Variants in CRACDL observed in about 807,000 individuals in gnomAD.
CRACDL encodes CRACD like, also known as CRACD-like protein.
CRACDL carries 26 observed loss-of-function variants against 70.6 expected under a neutral mutation model. That is an observed-to-expected ratio of 0.37 (90% CI 0.27 to 0.51). CRACDL has a LOEUF of 0.51. Ranked by LOEUF, CRACDL falls within the 20% of genes least tolerant of loss-of-function variation. The pLI is 0.94. For synonymous variants in CRACDL, 618 were observed against 615.2 expected, an observed-to-expected ratio of 1.00 and a Z score of -0.07; for missense variants, 1,283 against 1,376.9, an observed-to-expected ratio of 0.93 and a Z score of 1.08.
chr2:98,903,014 G>A (rs1216865120), intron 1 of CRACDL, among the ~76,000 whole-genome samples: 2 of 152,170 alleles, frequency 1.3e-5, no homozygotes, highest in African/African-American at 4.8e-5. Flanking sequence ...CCAGGGCCGC[G>A]CTAGCACACT....
chr2:98,863,507 C>A (rs1573098863), intron 1 of CRACDL, among the ~76,000 whole-genome samples: 1 of 152,110 alleles, frequency 6.6e-6, no homozygotes, highest in East Asian at 1.9e-4. Flanking sequence ...TAAAGCTACT[C>A]TTATTGTAAA....
chr2:98,869,099 T>C (rs971092626), intron 1 of CRACDL: 2 of 1,304,152 alleles, frequency 1.5e-6, no homozygotes, highest in African/African-American at 1.5e-5. Context: ...CCTGATGCAC[T>C]GGTAAAAGGC....
chr2:98,837,010 G>C (rs1403677238), intron 3 of CRACDL, among the ~76,000 whole-genome samples: 1 of 151,460 alleles, frequency 6.6e-6, no homozygotes, highest in Non-Finnish European at 1.5e-5. Flanking sequence ...GCGTGAACCC[G>C]GGAGGCGCAG....
At chr2:98,831,494 G>A (rs2104496922) in intron 5 of CRACDL, among the ~76,000 whole-genome samples, 1 of 152,266 alleles carries the variant, frequency 6.6e-6, no homozygotes, top group African/African-American at 2.4e-5. Context: ...GAAGGTGTGT[G>A]GCTATAAAAA....
At chr2:98,849,136 C>T (rs1475465282) in intron 1 of CRACDL, among the ~76,000 whole-genome samples, 3 of 152,220 alleles carry the variant, frequency 2.0e-5, no homozygotes, top group Admixed American at 1.3e-4. Context: ...GGATCTCCCA[C>T]TGAAATGGCT....
At chr2:98,932,896 C>T (rs2104712478) in intron 1 of CRACDL, among the ~76,000 whole-genome samples, 1 of 152,340 alleles carries the variant, frequency 6.6e-6, no homozygotes, top group African/African-American at 2.4e-5. Context: ...AGAAAAATGC[C>T]TTCTGGGTCT....
chr2:98,893,342 G>A (rs1708028590), intron 1 of CRACDL, among the ~76,000 whole-genome samples: 1 of 152,048 alleles, frequency 6.6e-6, no homozygotes, highest in South Asian at 2.1e-4. Context: ...GGAGTGCAGT[G>A]ATGCGATCTC....
intron 1 of CRACDL, among the ~76,000 whole-genome samples, chr2:98,899,287 T>C (rs1191903524): frequency 6.6e-6 from 1 of 152,216 alleles, no homozygotes; most frequent in Non-Finnish European, 1.5e-5. Flanking sequence ...CCTCAGACGT[T>C]AAGCCTTTTA....
In CRACDL at chr2:98,897,362, C is replaced by T. The variant is rs1029844808; in HGVS notation, c.-11+38576G>A. The T allele has an allele frequency of 3.8e-6, 5 of 1,302,392 alleles. No individual in the cohort carries two copies. In the African/African-American group the frequency reaches 7.6e-5, roughly 20 times the overall value. 80.7% of individuals were successfully genotyped at this position (1,302,392 alleles called of 1,614,324 possible). A position where few individuals can be genotyped will look rare whatever the true frequency, so the allele number is the denominator to read the frequency against. On this transcript the variant is annotated intron_variant, in intron 1 of 9. Transcript: ENST00000397899. ...TCGCTAAATATATATTTGCCTTGCT[C>T]CTCTTAGCACCTACCTTTTATCTTG...
At chr2:98,908,535 A>G (rs903954181) in intron 1 of CRACDL, 1 of 152,326 alleles carries the variant, frequency 6.6e-6, no homozygotes, top group African/African-American at 2.4e-5. Context: ...ACAGCTTGGA[A>G]GTGAACAGAA....
intron 1 of CRACDL, among the ~76,000 whole-genome samples, chr2:98,934,195 C>CTTTTTTTTTTT (rs34592936): frequency 1.2e-5 from 1 of 80,078 alleles, no homozygotes; most frequent in Admixed American, 1.4e-4. Flanking sequence ...AAGATTCATC[C>CTTTTTTTTTTT]TTTTTTTTTT....
At position 98,822,982 on chromosome 2, in the gene CRACDL, G is replaced by T; in HGVS notation, c.1291C>A (p.Pro431Thr). The change falls in exon 7 of 10, where the codon CCA becomes ACA. Residue 431 changes from proline (P) to threonine (T), a missense_variant. Pro to Thr is a conservative substitution (Grantham distance 38, BLOSUM62 -1). Transcript: ENST00000397899. This position sits in a 1 kb window ranked among gnomAD's most constrained non-coding sequence, Gnocchi z 4.9. ...GCTTCCTTCGGGACACTGCGTTCTG[G>T]CCCGTCGCGAGCAGAGGGCGCCTCT... Reference protein sequence around the residue: ...TSEAPSARDGPERSVPKEAEP... With the variant: ...TSEAPSARDGTERSVPKEAEP... The T allele has an allele frequency of 6.7e-7, 1 of 1,490,810 alleles. No homozygotes were observed. Among genetic ancestry groups the T allele is most frequent in the Non-Finnish European group, 8.9e-7 (1 of 1,120,606 alleles). The allele number at this position is 1,490,810 out of a possible 1,614,324, so 92.3% of individuals were successfully genotyped here. A position where few individuals can be genotyped will look rare whatever the true frequency, so the allele number is the denominator to read the frequency against.
intron 9 of CRACDL, 92 bp from the exon 10 acceptor site, chr2:98,794,763 G>A: frequency 2.9e-6 from 3 of 1,040,370 alleles, no homozygotes; most frequent in Non-Finnish European, 2.8e-6. Flanking sequence ...TAGACATCGA[G>A]GTCTTAACTG....
rs748050292 is a variant in CRACDL at position 98,822,324 on chromosome 2, G to C, written c.1949C>G (p.Pro650Arg). The change falls in exon 7 of 10, where the codon CCG becomes CGG. Residue 650 changes from proline (P) to arginine (R), a missense_variant. Pro to Arg is a moderately radical substitution (Grantham distance 103). This residue lies in a region of CRACDL where 921 missense variants were observed against 881.9 expected (regional missense o/e 1.04). Transcript: ENST00000397899. The surrounding 1 kb of genome is among the most constrained non-coding windows in gnomAD (Gnocchi z 4.9). ...GGCCGCCTCCTGAGGGCTCTTGCGC[G>C]GCCCGGCCGGGCTGGCCGCCCTGTC... ...SGDRAASPAG[P>R]RKSPQEAAAA... 8 of 1,458,354 alleles carry C rather than the reference G, an allele frequency of 5.5e-6. No homozygotes were observed. The Admixed American group carries it at 8.2e-5, about 15-fold the overall frequency. The allele number at this position is 1,458,354 out of a possible 1,614,324, so 90.3% of individuals were successfully genotyped here. A position where few individuals can be genotyped will look rare whatever the true frequency, so the allele number is the denominator to read the frequency against.
intron 1 of CRACDL, among the ~76,000 whole-genome samples, chr2:98,876,712 A>T (rs1417298546): frequency 6.6e-6 from 1 of 152,188 alleles, no homozygotes; most frequent in Non-Finnish European, 1.5e-5. Flanking sequence ...CCACTATTAA[A>T]TTATTTTCAC....
At chr2:98,930,138 C>T (rs796290944) in intron 1 of CRACDL, among the ~76,000 whole-genome samples, 4 of 152,232 alleles carry the variant, frequency 2.6e-5, no homozygotes, top group African/African-American at 7.2e-5. Context: ...TCCAACACGA[C>T]GGGGCGTATG....
At chr2:98,899,839 C>T (rs1708221046) in intron 1 of CRACDL, among the ~76,000 whole-genome samples, 1 of 132,694 alleles carries the variant, frequency 7.5e-6, no homozygotes, top group South Asian at 2.5e-4. Context: ...TGGACAGAGG[C>T]TCAGCAGGAG....
At chr2:98,886,627 T>C (rs1378855034) in intron 1 of CRACDL, among the ~76,000 whole-genome samples, 1 of 152,222 alleles carries the variant, frequency 6.6e-6, no homozygotes, top group Non-Finnish European at 1.5e-5. Context: ...GGAGGTTTAC[T>C]AGTTCTAAAT....
chr2:98,926,358 C>T (rs750792214), intron 1 of CRACDL, among the ~76,000 whole-genome samples: 12 of 152,226 alleles, frequency 7.9e-5, no homozygotes, highest in Admixed American at 2.6e-4. Context: ...GTCCACTCCA[C>T]CTCAACTGAG....
Sources: allele counts gnomAD v4.1 joint callset (sites outside exome capture counted in the v4.1 genomes callset), GRCh38; gene constraint gnomAD v4.1.1; regional missense constraint gnomAD v4.1.1; non-coding constraint Gnocchi (gnomAD v3.1); transcripts MANE v1.5; gene names NCBI Gene and HGNC (gene_info 2026-07-23, HGNC 2026-07-21).